NCKAP5: variants seen among roughly 807,000 people sequenced by gnomAD.
NCKAP5 encodes nck-associated protein 5.
NCKAP5 carries 92 observed loss-of-function variants against 167.0 expected under a neutral mutation model. The ratio of observed to expected loss-of-function variants is 0.55; its 90% CI spans 0.47 to 0.66. The LOEUF is 0.66. NCKAP5 is among the 30% of genes least tolerant of loss of function. NCKAP5 has a pLI of 0.00. For missense variants in NCKAP5, 2,378 were observed against 2,315.0 expected (o/e 1.03, Z -0.56); for synonymous variants, 891 against 877.4 (o/e 1.02, Z -0.27).
chr2:133,484,479 T>C (rs2151325253), intron 3 of NCKAP5, among the ~76,000 whole-genome samples: 1 of 152,262 alleles, frequency 6.6e-6, no homozygotes, highest in South Asian at 2.1e-4. Flanking sequence ...TTCTAATTTA[T>C]TCCCTAGAAC....
intron 16 of NCKAP5, among the ~76,000 whole-genome samples, chr2:132,770,682 G>A (rs1681964072): frequency 6.6e-6 from 1 of 152,050 alleles, no homozygotes; most frequent in African/African-American, 2.4e-5. Context: ...GAACACTGAT[G>A]AGGGAAACAT....
chr2:133,344,279 G>A (rs886468566), intron 3 of NCKAP5, among the ~76,000 whole-genome samples: 15 of 151,858 alleles, frequency 9.9e-5, no homozygotes, highest in Admixed American at 1.3e-4. Context: ...CAGTAGTAGC[G>A]TGCCTGTAAT....
At position 132,868,965 on chromosome 2, in the gene NCKAP5, G is replaced by T; in HGVS notation, c.658C>A (p.Gln220Lys). ...YERCLDEVAN[Q>K]VVQALLTQKD... ...TGAGTAAGCAGAGCTTGAACAACTT[G>T]GTTGGCTACCTTTAAAAAATAAAGA... The change falls in exon 10 of 20, where the codon CAA becomes AAA. Residue 220 changes from glutamine to lysine, a missense_variant. Physicochemically the swap from Gln to Lys is moderately conservative, Grantham distance 53. Transcript: ENST00000409261. 1 of 1,545,040 alleles carries T rather than the reference G, an allele frequency of 6.5e-7. No homozygotes were observed. Among genetic ancestry groups the T allele is most frequent in the Non-Finnish European group, 8.7e-7 (1 of 1,145,664 alleles).
chr2:133,192,065 A>G (rs1475204201), intron 5 of NCKAP5, among the ~76,000 whole-genome samples: 1 of 152,086 alleles, frequency 6.6e-6, no homozygotes, highest in South Asian at 2.1e-4. Flanking sequence ...TTGCTGCAGT[A>G]ATCATGACTG....
At chr2:133,502,152 C>T (rs1459210396) in intron 3 of NCKAP5, among the ~76,000 whole-genome samples, 2 of 152,206 alleles carry the variant, frequency 1.3e-5, no homozygotes, top group African/African-American at 4.8e-5. Context: ...CACCTCTGTC[C>T]CTGTCTGGCT....
At chr2:133,223,237 T>A (rs2086730526) in intron 4 of NCKAP5, among the ~76,000 whole-genome samples, 1 of 152,072 alleles carries the variant, frequency 6.6e-6, no homozygotes, top group African/African-American at 2.4e-5. Context: ...GGGTACAGAG[T>A]CATACACTAA....
chr2:133,141,950 A>T (rs960720557), intron 5 of NCKAP5, among the ~76,000 whole-genome samples: 2 of 152,176 alleles, frequency 1.3e-5, no homozygotes, highest in African/African-American at 2.4e-5. Context: ...ATGTGGAACT[A>T]ATCACAAGCT....
At chr2:133,059,479 C>T (rs1260276519) in intron 6 of NCKAP5, among the ~76,000 whole-genome samples, 1 of 151,760 alleles carries the variant, frequency 6.6e-6, no homozygotes, top group Non-Finnish European at 1.5e-5. Context: ...GAGCTTGACA[C>T]CAGCCTGAGG....
the NCKAP5 span, among the ~76,000 whole-genome samples, chr2:133,588,261 T>TCCTC: frequency 0.22 from 26,252 of 116,728 alleles, 3,793 homozygotes; most frequent in Non-Finnish European, 0.31. Context: ...GATTCCTTTT[T>TCCTC]CCTCCCTCCC....
intron 9 of NCKAP5, among the ~76,000 whole-genome samples, chr2:132,876,396 C>G (rs1178707328): frequency 6.6e-6 from 1 of 152,180 alleles, no homozygotes; most frequent in African/African-American, 2.4e-5. Context: ...CTGTGCCTGT[C>G]TGAAAAACAT....
At chr2:132,972,275 T>C (rs2076857263) in intron 7 of NCKAP5, among the ~76,000 whole-genome samples, 1 of 152,200 alleles carries the variant, frequency 6.6e-6, no homozygotes. Flanking sequence ...GGGCTCACTA[T>C]CTTATGATTG....
At chr2:133,181,515 A>T (rs1202945353) in intron 5 of NCKAP5, among the ~76,000 whole-genome samples, 1 of 147,580 alleles carries the variant, frequency 6.8e-6, no homozygotes, top group African/African-American at 2.5e-5. Flanking sequence ...AATTAAAATC[A>T]TATTTCTCTG....
intron 3 of NCKAP5, among the ~76,000 whole-genome samples, chr2:133,359,039 T>C (rs1357469159): frequency 2.0e-5 from 3 of 152,244 alleles, no homozygotes; most frequent in African/African-American, 7.2e-5. Flanking sequence ...ATCATTTCTT[T>C]ATTTCAATTT....
chr2:132,755,800 C>T (rs922239485), intron 16 of NCKAP5, among the ~76,000 whole-genome samples: 39 of 149,754 alleles, frequency 2.6e-4, no homozygotes, highest in African/African-American at 8.7e-4. Flanking sequence ...CGCTACACTC[C>T]AGCCTGGGTG....
At chr2:133,331,092 A>G (rs780872067) in intron 3 of NCKAP5, among the ~76,000 whole-genome samples, 7 of 152,194 alleles carry the variant, frequency 4.6e-5, no homozygotes, top group Non-Finnish European at 7.3e-5. Context: ...GTGTAGTTTT[A>G]GGTAAAAGAA....
At chr2:133,275,929 TAC>T (rs2089707914) in intron 4 of NCKAP5, among the ~76,000 whole-genome samples, 2 of 151,928 alleles carry the variant, frequency 1.3e-5, no homozygotes. Context: ...GATCTACTTA[TAC>T]ACAGATTTTT....
intron 4 of NCKAP5, among the ~76,000 whole-genome samples, chr2:133,239,337 A>T (rs2087571140): frequency 6.6e-6 from 1 of 152,190 alleles, no homozygotes; most frequent in South Asian, 2.1e-4. Flanking sequence ...TAGCCCATTT[A>T]TTTAGAGAAG....
rs1202722178 is a variant in NCKAP5, at chr2:132,785,342, G to T, written c.1469C>A (p.Ala490Glu). Residue 490 changes from alanine (A) to glutamate (E), a missense_variant, in exon 14 of 20, where the codon GCA becomes GAA. Around this residue, in one of 3 missense-constraint regions of NCKAP5, gnomAD observed 1,049 missense variants for 1,023.4 expected, o/e 1.02. Transcript: ENST00000409261. ...TGGCCTGCAGCTCTGGTTTGGAACT[G>T]CTTGGAGCAATGCTAAGGTGGAAGG... is the stretch of plus-strand genomic sequence containing the variant. Reference protein sequence around the residue: ...DDPSTLALLQAVPNQSCRPHG... With the variant: ...DDPSTLALLQEVPNQSCRPHG... The T allele has an allele frequency of 1.9e-6, 3 of 1,613,664 alleles. No individual in the cohort carries two copies. The highest frequency in any genetic ancestry group is 2.7e-5 in the African/African-American group (2 of 74,936).
At chr2:132,681,420 G>C (rs947589193) in intron 19 of NCKAP5, among the ~76,000 whole-genome samples, 1 of 151,740 alleles carries the variant, frequency 6.6e-6, no homozygotes, top group Non-Finnish European at 1.5e-5. Flanking sequence ...AGCAAGCCGG[G>C]CCATGGCAGG....
Sources: gnomAD v4.1 joint callset for allele counts (sites outside exome capture counted in the v4.1 genomes callset) on GRCh38, gnomAD v4.1.1 for gene constraint, gnomAD v4.1.1 regional missense constraint, MANE v1.5 for transcripts, NCBI Gene and HGNC (gene_info 2026-07-23, HGNC 2026-07-21) for gene names.